TGM4: variants seen among roughly 807,000 people sequenced by gnomAD.
The protein encoded by TGM4 is transglutaminase 4.
TGM4 carries 61 observed loss-of-function variants against 76.3 expected under a neutral mutation model. That is an observed-to-expected ratio of 0.80 (90% confidence interval 0.65 to 0.99). The LOEUF (loss-of-function observed/expected upper bound fraction) is 0.99, where lower values mean the gene tolerates loss of function less well. Among genes scored for constraint, TGM4 ranks in the 50% least tolerant of loss-of-function variants. The pLI is 0.00. For synonymous variants in TGM4, 337 were observed against 329.8 expected (o/e 1.02, Z -0.24); for missense variants, 794 against 843.2 (o/e 0.94, Z 0.72).
chr3:44,896,317 G>A (rs537588052), intron 5 of TGM4, among the ~76,000 whole-genome samples: 21 of 152,262 alleles, frequency 1.4e-4, no homozygotes, highest in Non-Finnish European at 2.4e-4. Flanking sequence ...CTCCATGTTG[G>A]TCAGGCTGGT....
chr3:44,882,400 G>C (rs1699546497), intron 1 of TGM4, among the ~76,000 whole-genome samples: 1 of 152,182 alleles, frequency 6.6e-6, no homozygotes, highest in Non-Finnish European at 1.5e-5. Context: ...TGGTTTCTTA[G>C]GGCATTCAAA....
intron 4 of TGM4, among the ~76,000 whole-genome samples, chr3:44,892,550 T>C (rs1192034861): frequency 2.6e-5 from 4 of 151,934 alleles, no homozygotes; most frequent in Admixed American, 2.0e-4. Flanking sequence ...TTTGTATTTT[T>C]AGTAGAGACA....
intron 2 of TGM4, among the ~76,000 whole-genome samples, chr3:44,885,921 T>C (rs1442116878): frequency 6.6e-6 from 1 of 152,212 alleles, no homozygotes; most frequent in Non-Finnish European, 1.5e-5. Context: ...CATGCATTTG[T>C]TATAGCTAGG....
intron 13 of TGM4, among the ~76,000 whole-genome samples, chr3:44,912,307 T>C (rs192216407): frequency 1.9e-4 from 29 of 152,340 alleles, no homozygotes; most frequent in African/African-American, 6.7e-4. Context: ...TTTACACAAT[T>C]AGGTATTTAT....
chr3:44,876,162 C>T (rs895806951), intron 1 of TGM4, among the ~76,000 whole-genome samples: 5 of 152,212 alleles, frequency 3.3e-5, no homozygotes, highest in African/African-American at 9.6e-5. Context: ...GACACAAACC[C>T]GGCGTGTGTT....
rs974095156 is a variant in TGM4, at chr3:44,904,078, G to T, written c.1075+91G>T. ...GGGTCTTGGGTATGCAGCCAAGCAGGTGGGGAAAGTTTTCATAAAAATTTC... is the reference window on the plus strand; with the variant it reads ...GGGTCTTGGGTATGCAGCCAAGCAGTTGGGGAAAGTTTTCATAAAAATTTC... On this transcript the variant is annotated intron_variant, in intron 9 of 13. Coordinates refer to ENST00000296125, the MANE Select transcript of TGM4 (RefSeq NM_003241.4). 18 of 1,151,830 alleles carry T rather than the reference G, an allele frequency of 1.6e-5. No homozygotes were observed. In the African/African-American group the frequency reaches 2.3e-4, roughly 15 times the overall value. The allele number at this position is 1,151,830 out of a possible 1,614,324, so 71.4% of individuals were successfully genotyped here.
At chr3:44,874,735 C>T (rs1311137871) in intron 1 of TGM4, 38 bp downstream of exon 1, 1 of 1,613,762 alleles carries the variant, frequency 6.2e-7, no homozygotes, top group Non-Finnish European at 8.5e-7. Flanking sequence ...CCACATGCCC[C>T]TTCAGCCAGC....
intron 1 of TGM4, 86 bp downstream of exon 1, chr3:44,874,783 G>A (rs1699427635): frequency 3.2e-6 from 5 of 1,552,902 alleles, no homozygotes; most frequent in African/African-American, 1.4e-5. Context: ...CCGGGTGCCT[G>A]GGGCCATTGC....
At chr3:44,895,504 A>G (rs764494240) in intron 5 of TGM4, among the ~76,000 whole-genome samples, 11 of 152,100 alleles carry the variant, frequency 7.2e-5, no homozygotes, top group Admixed American at 3.3e-4. Flanking sequence ...ATGCATGCCT[A>G]TAGTCCCAGG....
chr3:44,891,955 C>CA (rs1248225964), intron 4 of TGM4, among the ~76,000 whole-genome samples: 2 of 145,308 alleles, frequency 1.4e-5, no homozygotes, highest in East Asian at 4.0e-4. Flanking sequence ...AGCTCTGTCT[C>CA]AAAAAAGGAA....
intron 2 of TGM4, among the ~76,000 whole-genome samples, chr3:44,885,843 G>A (rs1559610741): frequency 1.3e-5 from 2 of 152,180 alleles, no homozygotes; most frequent in Admixed American, 1.3e-4. Context: ...AGCGGGGTGG[G>A]CTGGAGGCAA....
chr3:44,875,158 T>A (rs1161152284), intron 1 of TGM4, among the ~76,000 whole-genome samples: 4 of 152,218 alleles, frequency 2.6e-5, no homozygotes, highest in Admixed American at 6.5e-5. Context: ...TGAACACCAT[T>A]TCAATACTGT....
Position 44,913,758 on chromosome 3 carries a change from T to G in TGM4, c.*33T>G. ...TGATGCTGTGGAGCCTTAGTTGAGA[T>G]TTCAGCATTTCCTACCTTGTGCTTA... On this transcript the variant is annotated 3_prime_UTR_variant, in exon 14 of 14. Transcript: ENST00000296125. 1.3e-6 allele frequency: 2 copies of G among 1,595,388 alleles called. No individual in the cohort carries two copies. The highest frequency in any genetic ancestry group is 1.7e-6 in the Non-Finnish European group (2 of 1,172,182).
chr3:44,909,354 T>G (rs1699969166), intron 10 of TGM4, among the ~76,000 whole-genome samples: 1 of 152,240 alleles, frequency 6.6e-6, no homozygotes, highest in African/African-American at 2.4e-5. Flanking sequence ...GCTTTTCCTT[T>G]TAAGCTTTTT....
chr3:44,897,862 A>G (rs1699800491), intron 6 of TGM4, among the ~76,000 whole-genome samples: 1 of 152,132 alleles, frequency 6.6e-6, no homozygotes, highest in Non-Finnish European at 1.5e-5. Context: ...ATTGTTTTCC[A>G]TTTTTGCAAA....
intron 10 of TGM4, among the ~76,000 whole-genome samples, chr3:44,907,704 C>T (rs1178643628): frequency 6.6e-6 from 1 of 152,170 alleles, no homozygotes; most frequent in Non-Finnish European, 1.5e-5. Context: ...GCTACTTTCA[C>T]CCCTGGCCAA....
At chr3:44,912,205 T>C (rs1333151722) in intron 13 of TGM4, among the ~76,000 whole-genome samples, 1 of 152,252 alleles carries the variant, frequency 6.6e-6, no homozygotes. Flanking sequence ...TAGTCAAATT[T>C]TTCAATCTTT....
chr3:44,885,320 G>A lies in TGM4; in HGVS notation c.20-5G>A, dbSNP rs769273451. The A allele has an allele frequency of 3.1e-6, 5 of 1,602,488 alleles. No homozygotes were observed. The highest frequency in any genetic ancestry group is 4.3e-6 in the Non-Finnish European group (5 of 1,170,842). On this transcript the variant is annotated splice_polypyrimidine_tract_variant and splice_region_variant and intron_variant, in intron 1 of 13. Coordinates refer to ENST00000296125, the MANE Select transcript of TGM4 (RefSeq NM_003241.4). ...CTCTTTCCACATGTGCTGCGTTGCT[G>A]ACAGAGCTGCAAGTTCTCCACATTG...
In TGM4 at chr3:44,911,158, T is replaced by G. The variant is rs370151308; in HGVS notation, c.1776+31T>G. 2.7e-5 allele frequency: 43 copies of G among 1,611,368 alleles called. No homozygotes were observed. The African/African-American group carries it at 5.2e-4, about 20-fold the overall frequency. ...CTTCCTGCAGGCCATAAAGGGCTCC[T>G]TCTGCCTGGAAGTTGGCCATGGAGT... On this transcript the variant is annotated intron_variant, in intron 12 of 13. Transcript: ENST00000296125.
Sources: gnomAD v4.1 joint callset for allele counts (sites outside exome capture counted in the v4.1 genomes callset) on GRCh38, gnomAD v4.1.1 for gene constraint, MANE v1.5 for transcripts, NCBI Gene and HGNC (gene_info 2026-07-23, HGNC 2026-07-21) for gene names.